The following SNTG1 variants were observed in gnomAD, a reference collection of about 807,000 sequenced individuals.
SNTG1 encodes gamma-1-syntrophin.
SNTG1 carries 39 observed loss-of-function variants against 74.7 expected under a neutral mutation model. The observed-to-expected ratio is 0.52, with a 90% confidence interval of 0.40 to 0.68. SNTG1 has a LOEUF of 0.68. Ranked by LOEUF, SNTG1 falls within the 30% of genes least tolerant of loss-of-function variation. The pLI is 0.00. For missense variants in SNTG1, 685 were observed against 609.5 expected (o/e 1.12, Z -1.30); for synonymous variants, 254 against 217.1 (o/e 1.17, Z -1.49).
intron 1 of SNTG1, among the ~76,000 whole-genome samples, chr8:50,076,445 T>C (rs577717093): frequency 2.6e-5 from 4 of 152,202 alleles, no homozygotes; most frequent in Admixed American, 6.5e-5. Context: ...TAAAATTGTT[T>C]CTTTCCAAGA....
intron 17 of SNTG1, among the ~76,000 whole-genome samples, chr8:50,710,965 A>C (rs993283028): frequency 8.6e-5 from 13 of 151,612 alleles, no homozygotes; most frequent in Admixed American, 5.9e-4. Context: ...AAAGGCTAAA[A>C]GGAATCTACA....
chr8:50,119,967 TATC>T (rs2080942708), intron 1 of SNTG1, among the ~76,000 whole-genome samples: 1 of 142,160 alleles, frequency 7.0e-6, no homozygotes, highest in African/African-American at 2.5e-5. Flanking sequence ...AACAATTACT[TATC>T]ATCAGTTTTG....
At chr8:50,651,277 CTCTT>C (rs936547992) in intron 13 of SNTG1, among the ~76,000 whole-genome samples, 1 of 148,528 alleles carries the variant, frequency 6.7e-6, no homozygotes, top group African/African-American at 2.5e-5. Flanking sequence ...CATACTTTCT[CTCTT>C]TCTTCCTAAA....
chr8:50,777,561 A>G (rs2095644572), intron 18 of SNTG1, among the ~76,000 whole-genome samples: 1 of 151,740 alleles, frequency 6.6e-6, no homozygotes. Flanking sequence ...GCTTATTGGA[A>G]CAATTTTGTT....
At chr8:50,663,762 A>G (rs540034904) in intron 15 of SNTG1, among the ~76,000 whole-genome samples, 1 of 152,102 alleles carries the variant, frequency 6.6e-6, no homozygotes, top group East Asian at 1.9e-4. Flanking sequence ...AACCTTTTTC[A>G]TTCTTTTTTG....
intron 1 of SNTG1, among the ~76,000 whole-genome samples, chr8:49,987,917 T>G (rs1298658076): frequency 6.6e-6 from 1 of 152,098 alleles, no homozygotes; most frequent in African/African-American, 2.4e-5. Flanking sequence ...CAAAGTTAAA[T>G]TAACCTTTTA....
In SNTG1 at chr8:50,735,701, G is replaced by A. The variant is rs185653169; in HGVS notation, c.1285-16300G>A. Among the ~76,000 whole-genome samples the A allele has an allele frequency of 2.2e-3, 332 of 152,046 alleles. 2 individuals carry two copies. The highest frequency in any genetic ancestry group is 7.6e-3 in the African/African-American group (315 of 41,502). On this transcript the variant is annotated intron_variant, in intron 17 of 18. Transcript: ENST00000642720. ...GGAATCAAGTTGGAAACACTCTTTA[G>A]GATAATATCCAGGAGAACTTCCCCA...
At chr8:50,541,567 T>A (rs1241846506) in intron 11 of SNTG1, among the ~76,000 whole-genome samples, 1 of 152,146 alleles carries the variant, frequency 6.6e-6, no homozygotes, top group African/African-American at 2.4e-5. Flanking sequence ...TTAGAATACA[T>A]GTGATCATTT....
chr8:50,246,284 G>A (rs956715777), intron 2 of SNTG1, among the ~76,000 whole-genome samples: 9 of 151,780 alleles, frequency 5.9e-5, no homozygotes, highest in Non-Finnish European at 1.3e-4. Flanking sequence ...GCAGATACAA[G>A]GGGACATCAA....
At chr8:50,112,515 C>CTTTTTTTTTTTTTTTT (rs34942560) in intron 1 of SNTG1, among the ~76,000 whole-genome samples, 1 of 77,596 alleles carries the variant, frequency 1.3e-5, no homozygotes, top group African/African-American at 5.1e-5. Flanking sequence ...TTAGTTCTTT[C>CTTTTTTTTTTTTTTTT]TTTTTTTTTT....
intron 2 of SNTG1, among the ~76,000 whole-genome samples, chr8:50,366,358 C>A (rs2092110428): frequency 6.6e-6 from 1 of 152,128 alleles, no homozygotes; most frequent in African/African-American, 2.4e-5. Context: ...TTTTACTACG[C>A]TGTGCAGTTA....
intron 1 of SNTG1, among the ~76,000 whole-genome samples, chr8:49,925,581 G>T (rs1806950611): frequency 6.6e-6 from 1 of 152,048 alleles, no homozygotes; most frequent in Non-Finnish European, 1.5e-5. Flanking sequence ...AACTTCCTTG[G>T]TTTATCTGGT....
At chr8:50,713,297 C>A (rs939899933) in intron 17 of SNTG1, among the ~76,000 whole-genome samples, 6 of 152,120 alleles carry the variant, frequency 3.9e-5, no homozygotes, top group Non-Finnish European at 8.8e-5. Context: ...ACATAAATGT[C>A]TTCTTTTGAG....
chr8:50,306,269 A>G (rs2089893111), intron 2 of SNTG1, among the ~76,000 whole-genome samples: 1 of 151,966 alleles, frequency 6.6e-6, no homozygotes, highest in Non-Finnish European at 1.5e-5. Context: ...GTATATATAT[A>G]CCACATTTTC....
At chr8:50,178,988 C>A (rs2083104488) in intron 2 of SNTG1, among the ~76,000 whole-genome samples, 1 of 152,132 alleles carries the variant, frequency 6.6e-6, no homozygotes, top group Admixed American at 6.5e-5. Context: ...ATATTGAAAT[C>A]ATCAATTTAT....
chr8:50,591,389 C>A (rs1233262823), intron 13 of SNTG1, among the ~76,000 whole-genome samples: 1 of 151,942 alleles, frequency 6.6e-6, no homozygotes, highest in Non-Finnish European at 1.5e-5. Flanking sequence ...TGATTTGAAA[C>A]CACTGACAAA....
intron 1 of SNTG1, among the ~76,000 whole-genome samples, chr8:50,041,793 A>ATCTT (rs1393859663): frequency 3.3e-5 from 5 of 152,124 alleles, no homozygotes; most frequent in East Asian, 3.9e-4. Context: ...CTATGAATTG[A>ATCTT]TCTTTCCTCT....
At chr8:50,329,358 G>C (rs1259461291) in intron 2 of SNTG1, among the ~76,000 whole-genome samples, 2 of 152,108 alleles carry the variant, frequency 1.3e-5, no homozygotes, top group African/African-American at 2.4e-5. Flanking sequence ...CCTAGTAGAG[G>C]CTTTCCATGA....
intron 12 of SNTG1, among the ~76,000 whole-genome samples, chr8:50,580,241 G>A (rs1011024695): frequency 2.0e-5 from 3 of 152,166 alleles, no homozygotes; most frequent in South Asian, 2.1e-4. Context: ...TTTAGAACAG[G>A]TATATTTACT....
Sources: allele counts gnomAD v4.1 joint callset (sites outside exome capture counted in the v4.1 genomes callset), GRCh38; gene constraint gnomAD v4.1.1; transcripts MANE v1.5; gene names NCBI Gene and HGNC (gene_info 2026-07-23, HGNC 2026-07-21).